The following KCNMA1 variants were observed in gnomAD, a reference collection of about 807,000 sequenced individuals.
KCNMA1 encodes the protein Calcium-activated potassium channel subunit alpha-1.
Under a neutral mutation model 140.0 loss-of-function variants are expected in KCNMA1, and 29 were observed. The observed-to-expected ratio is 0.21, with a 90% confidence interval of 0.15 to 0.28. The LOEUF (loss-of-function observed/expected upper bound fraction) is 0.28. Among genes scored for constraint, KCNMA1 ranks in the 10% least tolerant of loss-of-function variants. The pLI is 1.00. For synonymous variants in KCNMA1, 612 were observed against 611.9 expected (o/e 1.00, Z 0.00); for missense variants, 880 against 1,602.2 (o/e 0.55, Z 7.70).
chr10:77,320,836 G>A (rs2082142706), intron 2 of KCNMA1, among the ~76,000 whole-genome samples: 1 of 152,170 alleles, frequency 6.6e-6, no homozygotes, highest in Non-Finnish European at 1.5e-5. Flanking sequence ...ACCAAGGCAG[G>A]CACTCACGGC....
rs78980210 is a variant in KCNMA1, at chr10:77,344,387, A to G, written c.540+59475T>C. Among the ~76,000 whole-genome samples the G allele has an allele frequency of 5.0e-3, 758 of 152,304 alleles. 16 individuals are homozygous for G. The highest frequency in any genetic ancestry group is 0.042 in the East Asian group (216 of 5,174). On this transcript the variant is annotated intron_variant, in intron 2 of 27. Coordinates refer to ENST00000286628, the MANE Select transcript of KCNMA1 (RefSeq NM_001161352.2). ...TGAAGGAAGCAAGGTGAAAAGGAGG[A>G]TTAATCCATCCATCAAGGACCTTGG...
chr10:76,989,145 T>C (rs902930100), intron 19 of KCNMA1, among the ~76,000 whole-genome samples: 1 of 152,098 alleles, frequency 6.6e-6, no homozygotes, highest in Non-Finnish European at 1.5e-5. Flanking sequence ...GCATAGATAA[T>C]ACCAGGACCC....
Position 76,907,636 on chromosome 10 carries a change from T to C in KCNMA1, c.3147+2330A>G, listed in dbSNP as rs572333450. ...TCACAGCAACCTCCACCTCCCAGGC[T>C]CAAGCGATTCTCAGGCCTCAGCCTC... On this transcript the variant is annotated intron_variant, in intron 25 of 27. Transcript: ENST00000286628. Among the ~76,000 whole-genome samples the C allele has an allele frequency of 2.3e-3, 348 of 152,260 alleles. 1 individual carries two copies. Among genetic ancestry groups the C allele is most frequent in the Middle Eastern group, 3.4e-3 (1 of 294 alleles).
chr10:77,527,865 C>G (rs1012172427), intron 1 of KCNMA1, among the ~76,000 whole-genome samples: 2 of 152,054 alleles, frequency 1.3e-5, no homozygotes, highest in Non-Finnish European at 2.9e-5. Flanking sequence ...CCATGCTGTG[C>G]GCACAGCCTC....
intron 1 of KCNMA1, among the ~76,000 whole-genome samples, chr10:77,624,574 C>T (rs1288957740): frequency 6.6e-6 from 1 of 152,060 alleles, no homozygotes; most frequent in Non-Finnish European, 1.5e-5. Context: ...GGATTCACTG[C>T]CCTCAATAAC....
chr10:76,883,980 C>T, downstream of KCNMA1: 1 of 982,522 alleles, frequency 1.0e-6, no homozygotes, highest in Non-Finnish European at 1.2e-6. Context: ...GGTGAATTCT[C>T]AATTATCTAC....
intron 2 of KCNMA1, among the ~76,000 whole-genome samples, chr10:77,398,081 T>TG (rs1491447421): frequency 1.2e-4 from 18 of 149,158 alleles, no homozygotes; most frequent in Non-Finnish European, 2.2e-4. Flanking sequence ...TGTGTGTGTA[T>TG]TTTTTTTTTC....
In KCNMA1 at chr10:76,884,892, C is replaced by T; in HGVS notation, c.*2374G>A. Reference sequence around the variant, plus strand: ...AATAACAGAATAAAATTTGTAACTCCTTTTTTTTTAATTTCACAAAAGTTT... The same window carrying T: ...AATAACAGAATAAAATTTGTAACTCTTTTTTTTTTAATTTCACAAAAGTTT... On this transcript the variant is annotated 3_prime_UTR_variant, in exon 28 of 28. Transcript: ENST00000286628. 1 of 1,385,222 alleles carries T rather than the reference C, an allele frequency of 7.2e-7. No individual in the cohort carries two copies. Among genetic ancestry groups the T allele is most frequent in the Non-Finnish European group, 9.5e-7 (1 of 1,057,164 alleles). 85.8% of individuals were successfully genotyped at this position (1,385,222 alleles called of 1,614,324 possible). A position where few individuals can be genotyped will look rare whatever the true frequency, so the allele number is the denominator to read the frequency against.
chr10:77,335,049 G>A (rs2088308234), intron 2 of KCNMA1, among the ~76,000 whole-genome samples: 1 of 152,150 alleles, frequency 6.6e-6, no homozygotes, highest in Non-Finnish European at 1.5e-5. Context: ...GATTTTCAGA[G>A]TACAGAGGAG....
intron 25 of KCNMA1, 45 bp from the exon 26 acceptor site, chr10:76,891,764 C>A (rs1434828499): frequency 1.3e-6 from 2 of 1,517,232 alleles, no homozygotes; most frequent in African/African-American, 2.7e-5. Flanking sequence ...TAAGCAAACA[C>A]CCTAAAGTCA....
chr10:77,505,058 G>A (rs1365887674), intron 1 of KCNMA1, among the ~76,000 whole-genome samples: 3 of 152,166 alleles, frequency 2.0e-5, no homozygotes, highest in Non-Finnish European at 4.4e-5. Context: ...GGGCCCAGAG[G>A]AGCACCAGGG....
downstream of KCNMA1, among the ~76,000 whole-genome samples, chr10:76,882,033 A>G (rs879834355): frequency 1.3e-5 from 2 of 151,896 alleles, no homozygotes; most frequent in African/African-American, 4.8e-5. Context: ...AAGGGTCAAA[A>G]CCTCCTCCAG....
rs145240191 is a variant in KCNMA1, at chr10:77,481,372, G to A, written c.379-77349C>T. ...GGAACTCCCTGCAACAGCCTACACA[G>A]GTTCACCCTCCTCCAAAATCATACC... On this transcript the variant is annotated intron_variant, in intron 1 of 27. Transcript: ENST00000286628. Among the ~76,000 whole-genome samples the A allele has an allele frequency of 3.6e-3, 548 of 152,208 alleles. 6 individuals carry two copies. Among genetic ancestry groups the A allele is most frequent in the African/African-American group, 0.013 (533 of 41,536 alleles).
chr10:77,045,193 T>G (rs140669454), intron 14 of KCNMA1, among the ~76,000 whole-genome samples: 1 of 152,294 alleles, frequency 6.6e-6, no homozygotes, highest in Non-Finnish European at 1.5e-5. Flanking sequence ...TTAACTGTAA[T>G]GTGAAGACAC....
At chr10:76,892,929 T>C (rs2040822039) in intron 25 of KCNMA1, among the ~76,000 whole-genome samples, 2 of 152,308 alleles carry the variant, frequency 1.3e-5, no homozygotes, top group Admixed American at 1.3e-4. Flanking sequence ...TGATACAAAA[T>C]TCCAACTGCA....
intron 2 of KCNMA1, among the ~76,000 whole-genome samples, chr10:77,391,942 T>C (rs1046366598): frequency 6.7e-6 from 1 of 149,030 alleles, no homozygotes; most frequent in South Asian, 2.3e-4. Context: ...GATATTTTTC[T>C]GACAAAAACG....
intron 5 of KCNMA1, among the ~76,000 whole-genome samples, chr10:77,127,906 G>A (rs565313887): frequency 1.1e-4 from 16 of 151,958 alleles, no homozygotes; most frequent in Non-Finnish European, 2.2e-4. Context: ...CCTGGGAGGT[G>A]GAAGTTGCAG....
intron 3 of KCNMA1, chr10:77,249,825 A>G (rs151250553): frequency 4.6e-5 from 7 of 152,326 alleles, no homozygotes; most frequent in Non-Finnish European, 8.8e-5. Context: ...AACTTAAACA[A>G]GCTCTTCTCT....
Position 76,988,174 on chromosome 10 carries a change from C to T in KCNMA1, c.2266+13233G>A, listed in dbSNP as rs908570150. On this transcript the variant is annotated intron_variant, in intron 19 of 27. Coordinates refer to ENST00000286628, the MANE Select transcript of KCNMA1 (RefSeq NM_001161352.2). ...GCATATTGATACTCATTCCACTCAT[C>T]CCTAGACCTATCCACACATCAGGTC... 3.9e-5 allele frequency among the ~76,000 whole-genome samples: 6 copies of T among 152,304 alleles called. No homozygotes were observed. In the South Asian group the frequency reaches 1.0e-3, roughly 26 times the overall value.
Sources: gnomAD v4.1 joint callset for allele counts (sites outside exome capture counted in the v4.1 genomes callset) on GRCh38, gnomAD v4.1.1 for gene constraint, MANE v1.5 for transcripts, NCBI Gene and HGNC (gene_info 2026-07-23, HGNC 2026-07-21) for gene names.